Variants in PGBD2 observed in about 807,000 individuals in gnomAD.
PGBD2 encodes piggyBac transposable element derived 2.
Under a neutral mutation model 8.1 loss-of-function variants are expected in PGBD2, and 6 were observed. The observed-to-expected ratio is 0.74, with a 90% confidence interval of 0.40 to 1.46. PGBD2 has a LOEUF of 1.46. Among genes scored for constraint, PGBD2 ranks in the 40% most tolerant of loss-of-function variants. The probability of loss-of-function intolerance (pLI) is 0.02; values close to 1 mark genes in which losing one functional copy is unlikely to be tolerated. For synonymous variants in PGBD2, 318 were observed against 272.2 expected (o/e 1.17, Z -1.66); for missense variants, 802 against 739.0 (o/e 1.09, Z -0.99).
At chr1:248,914,552 A>C in intron 2 of PGBD2, 1 of 1,289,262 alleles carries the variant, frequency 7.8e-7, no homozygotes, top group Non-Finnish European at 1.0e-6. Flanking sequence ...TCCAAAGTCC[A>C]TGGGCAGGTC....
rs548878362 is a variant in PGBD2, at chr1:248,907,528, A to G, written c.-48+1186A>G. On this transcript the variant is annotated intron_variant, in intron 1 of 2. Coordinates refer to ENST00000329291, the MANE Select transcript of PGBD2 (RefSeq NM_170725.3). ...GGTCTTTCTCTTCCCACGAGGCTGT[A>G]TTTCAGACTATCACATGGGGAGAAA... 2.0e-5 allele frequency among the ~76,000 whole-genome samples: 3 copies of G among 152,034 alleles called. No individual in the cohort carries two copies. The East Asian group carries it at 5.8e-4, about 29-fold the overall frequency.
At chr1:248,874,343 C>A in the PGBD2 span, among the ~76,000 whole-genome samples, 1 of 152,184 alleles carries the variant, frequency 6.6e-6, no homozygotes, top group African/African-American at 2.4e-5. Context: ...AAAACTGTTG[C>A]CGCAGGGCTA....
chr1:248,883,763 A>AT, the PGBD2 span, among the ~76,000 whole-genome samples: 1 of 150,668 alleles, frequency 6.6e-6, no homozygotes. Context: ...TGCCCAGCTA[A>AT]TTTTTTTGTA....
upstream of PGBD2, among the ~76,000 whole-genome samples, chr1:248,901,912 A>T (rs1661540553): frequency 6.6e-6 from 1 of 152,248 alleles, no homozygotes; most frequent in Non-Finnish European, 1.5e-5. Context: ...AAACAAATTT[A>T]CAAGAACAAA....
the PGBD2 span, among the ~76,000 whole-genome samples, chr1:248,899,914 T>A: frequency 6.6e-6 from 1 of 150,924 alleles, no homozygotes; most frequent in African/African-American, 2.4e-5. Context: ...CTGACGCCAA[T>A]GGAAATATGA....
chr1:248,919,219 C>T (rs980858853), downstream of PGBD2: 1 of 166,956 alleles, frequency 6.0e-6, no homozygotes, highest in Non-Finnish European at 1.5e-5. Flanking sequence ...TAACTATTCC[C>T]ACTCTCCCCC....
chr1:248,913,782 A>AT lies in PGBD2; in HGVS notation c.-47-25dup, dbSNP rs748670670. ...CTGTTGCCTTGCTTCTTAAGATACA[A>AT]TTTTTTTTTAAATTGACTTTTCTTG... On this transcript the variant is annotated intron_variant, in intron 1 of 2. Transcript: ENST00000329291. The AT allele has an allele frequency of 3.5e-4, 399 of 1,135,560 alleles. 1 individual carries two copies. The highest frequency in any genetic ancestry group is 4.5e-4 in the Non-Finnish European group (337 of 755,252). 70.3% of individuals were successfully genotyped at this position (1,135,560 alleles called of 1,614,324 possible). A position where few individuals can be genotyped will look rare whatever the true frequency, so the allele number is the denominator to read the frequency against.
chr1:248,877,447 C>A, the PGBD2 span, among the ~76,000 whole-genome samples: 1 of 152,114 alleles, frequency 6.6e-6, no homozygotes. Context: ...CAAGCATGCA[C>A]ACAAATTTAT....
the PGBD2 span, among the ~76,000 whole-genome samples, chr1:248,884,728 T>C: frequency 6.6e-6 from 1 of 152,210 alleles, no homozygotes; most frequent in African/African-American, 2.4e-5. Context: ...AGGTTATAGA[T>C]AGATTCAGAG....
the PGBD2 span, among the ~76,000 whole-genome samples, chr1:248,883,272 T>C: frequency 6.6e-5 from 10 of 151,794 alleles, no homozygotes; most frequent in African/African-American, 1.7e-4. Flanking sequence ...TACAGGCATG[T>C]GCCACTACGC....
chr1:248,928,615 TG>T, the PGBD2 span, among the ~76,000 whole-genome samples: 4 of 152,220 alleles, frequency 2.6e-5, no homozygotes, highest in Non-Finnish European at 5.9e-5. Context: ...AAAACTAATC[TG>T]TTCTCTTTCC....
chr1:248,927,865 A>G, the PGBD2 span, among the ~76,000 whole-genome samples: 1 of 152,212 alleles, frequency 6.6e-6, no homozygotes, highest in East Asian at 1.9e-4. Context: ...ATAGATAAAG[A>G]AAATACATAG....
the PGBD2 span, among the ~76,000 whole-genome samples, chr1:248,876,332 T>C: frequency 0.035 from 5,273 of 152,224 alleles, 295 homozygotes; most frequent in African/African-American, 0.12. Flanking sequence ...ATCAAAAACA[T>C]TTTGACTGTC....
chr1:248,873,173 C>T, the PGBD2 span, among the ~76,000 whole-genome samples: 1 of 151,856 alleles, frequency 6.6e-6, no homozygotes, highest in East Asian at 1.9e-4. Context: ...AACCTCACAG[C>T]CCACCGGGAG....
At chr1:248,889,527 TCAAA>T in the PGBD2 span, among the ~76,000 whole-genome samples, 5 of 152,198 alleles carry the variant, frequency 3.3e-5, no homozygotes, top group Non-Finnish European at 2.9e-5. Flanking sequence ...CACCGTCATC[TCAAA>T]CAAACACTGC....
In PGBD2 at chr1:248,917,269, C is replaced by T. The variant is rs767818720; in HGVS notation, c.685C>T (p.His229Tyr). ...DRFELIFSYL[H>Y]FADNNELDAS... Reference sequence around the variant, plus strand: ...ATTTGAACTAATCTTCTCATACTTACATTTTGCAGATAACAACGAACTTGA... The same window carrying T: ...ATTTGAACTAATCTTCTCATACTTATATTTTGCAGATAACAACGAACTTGA... Residue 229 changes from histidine (H) to tyrosine (Y), a missense_variant, in exon 3 of 3, where the codon CAT becomes TAT. His to Tyr is a moderately conservative substitution (Grantham distance 83). Coordinates refer to ENST00000329291, the MANE Select transcript of PGBD2 (RefSeq NM_170725.3). 8 of 1,614,050 alleles carry T rather than the reference C, an allele frequency of 5.0e-6. No homozygotes were observed. The highest frequency in any genetic ancestry group is 5.1e-6 in the Non-Finnish European group (6 of 1,180,036).
chr1:248,909,286 C>G (rs1447924754), intron 1 of PGBD2, among the ~76,000 whole-genome samples: 3 of 152,134 alleles, frequency 2.0e-5, no homozygotes, highest in Non-Finnish European at 4.4e-5. Flanking sequence ...TTTTGCTGAG[C>G]TTCTTGCGTA....
At chr1:248,888,309 A>C in the PGBD2 span, among the ~76,000 whole-genome samples, 1 of 152,216 alleles carries the variant, frequency 6.6e-6, no homozygotes, top group Non-Finnish European at 1.5e-5. Context: ...TGGTAGTTCT[A>C]GGTTCCTTGA....
chr1:248,882,733 G>A, the PGBD2 span, among the ~76,000 whole-genome samples: 2 of 152,320 alleles, frequency 1.3e-5, no homozygotes, highest in Admixed American at 1.3e-4. Flanking sequence ...TCTTAGTGAT[G>A]TGAAACCTCC....
Sources: gnomAD v4.1 joint callset for allele counts (sites outside exome capture counted in the v4.1 genomes callset) on GRCh38, gnomAD v4.1.1 for gene constraint, MANE v1.5 for transcripts, NCBI Gene and HGNC (gene_info 2026-07-23, HGNC 2026-07-21) for gene names.